The following DPYD variants were observed in gnomAD, a reference collection of about 807,000 sequenced individuals.
The protein encoded by DPYD is dihydropyrimidine dehydrogenase [NADP(+)].
Under a neutral mutation model 116.2 loss-of-function variants are expected in DPYD, and 109 were observed. The observed-to-expected ratio is 0.94, with a 90% CI of 0.80 to 1.10. The LOEUF is 1.10. Among genes scored for constraint, DPYD ranks in the 50% least tolerant of loss-of-function variants. The pLI, the probability that DPYD is intolerant of heterozygous loss-of-function variation, is 0.00. For missense variants in DPYD, 1,302 were observed against 1,254.5 expected (o/e 1.04, Z -0.57); for synonymous variants, 440 against 432.0 (o/e 1.02, Z -0.23).
chr1:97,582,093 T>G (rs1291276378), intron 10 of DPYD, among the ~76,000 whole-genome samples: 1 of 152,182 alleles, frequency 6.6e-6, no homozygotes, highest in Non-Finnish European at 1.5e-5. Flanking sequence ...CCTGGAAACG[T>G]GAATTTAGGG....
At chr1:97,134,009 AAAAAAATATATATATATATAT>A (rs1381828107) in intron 20 of DPYD, among the ~76,000 whole-genome samples, 1,373 of 47,870 alleles carry the variant, frequency 0.029, 167 homozygotes, top group South Asian at 0.062. Context: ...AAAAAAAAAA[AAAAAAATATATATATATATAT>A]ATATATATAT....
chr1:97,527,476 C>T (rs1032402930), intron 12 of DPYD, among the ~76,000 whole-genome samples: 8 of 152,096 alleles, frequency 5.3e-5, no homozygotes, highest in African/African-American at 1.9e-4. Flanking sequence ...TGATTGAACA[C>T]ACAGAGTACA....
intron 19 of DPYD, among the ~76,000 whole-genome samples, chr1:97,212,580 G>A (rs1236372117): frequency 6.6e-6 from 1 of 152,040 alleles, no homozygotes; most frequent in African/African-American, 2.4e-5. Context: ...GTCTGAGATA[G>A]ATGATGTGGA....
intron 16 of DPYD, among the ~76,000 whole-genome samples, chr1:97,323,731 C>A (rs1558031226): frequency 6.9e-6 from 1 of 145,746 alleles, no homozygotes; most frequent in African/African-American, 2.5e-5. Flanking sequence ...CATATATATA[C>A]ATATATATAT....
chr1:97,284,887 T>C (rs1277328562), intron 18 of DPYD, among the ~76,000 whole-genome samples: 2 of 152,214 alleles, frequency 1.3e-5, no homozygotes, highest in African/African-American at 2.4e-5. Context: ...TGATTCTGTA[T>C]TGTCTTTCCA....
intron 1 of DPYD, among the ~76,000 whole-genome samples, chr1:97,910,260 A>G (rs1416380759): frequency 6.6e-6 from 1 of 152,114 alleles, no homozygotes; most frequent in Non-Finnish European, 1.5e-5. Context: ...CTTGTTTGAA[A>G]ATGTGTTTAC....
intron 1 of DPYD, among the ~76,000 whole-genome samples, chr1:97,917,845 A>G (rs1329372842): frequency 6.6e-6 from 1 of 152,178 alleles, no homozygotes; most frequent in Non-Finnish European, 1.5e-5. Flanking sequence ...TTGCCGGTGG[A>G]GGGGAACAAG....
intron 11 of DPYD, among the ~76,000 whole-genome samples, chr1:97,558,810 G>C (rs899090303): frequency 6.6e-6 from 1 of 152,150 alleles, no homozygotes; most frequent in Non-Finnish European, 1.5e-5. Context: ...ACTTCACCTT[G>C]ATCTGCTTAT....
At chr1:97,468,118 G>A (rs1408651840) in intron 13 of DPYD, among the ~76,000 whole-genome samples, 5 of 152,204 alleles carry the variant, frequency 3.3e-5, no homozygotes, top group Admixed American at 3.3e-4. Flanking sequence ...CTGAGTGAGT[G>A]TGTCTATGTT....
At chr1:97,157,227 T>G (rs1221788930) in intron 20 of DPYD, among the ~76,000 whole-genome samples, 1 of 151,860 alleles carries the variant, frequency 6.6e-6, no homozygotes, top group Non-Finnish European at 1.5e-5. Flanking sequence ...GTAACTAACC[T>G]GCACATTGTG....
chr1:97,703,312 G>A (rs1661715556), intron 5 of DPYD, among the ~76,000 whole-genome samples: 1 of 151,994 alleles, frequency 6.6e-6, no homozygotes, highest in Non-Finnish European at 1.5e-5. Context: ...TTGGGGTTGA[G>A]TCTTGACTTC....
chr1:97,516,312 C>G (rs752466573), intron 12 of DPYD, among the ~76,000 whole-genome samples: 6 of 151,956 alleles, frequency 3.9e-5, no homozygotes, highest in African/African-American at 7.2e-5. Context: ...ATATGGGCAA[C>G]GGCAAGTCAG....
intron 8 of DPYD, among the ~76,000 whole-genome samples, chr1:97,624,817 G>T (rs1656833705): frequency 6.6e-6 from 1 of 151,952 alleles, no homozygotes; most frequent in Non-Finnish European, 1.5e-5. Flanking sequence ...TAACAACATG[G>T]GTGGAATTGG....
intron 13 of DPYD, among the ~76,000 whole-genome samples, chr1:97,513,456 C>G (rs1647960295): frequency 6.6e-6 from 1 of 151,612 alleles, no homozygotes; most frequent in Admixed American, 6.6e-5. Context: ...TGTACTTCAT[C>G]AAAATTGTAT....
chr1:97,618,085 T>A (rs1656401106), intron 8 of DPYD, among the ~76,000 whole-genome samples: 2 of 152,122 alleles, frequency 1.3e-5, no homozygotes, highest in Non-Finnish European at 2.9e-5. Flanking sequence ...CCCCTTTAAG[T>A]GTTGTCACCT....
intron 8 of DPYD, among the ~76,000 whole-genome samples, chr1:97,625,354 A>G (rs1282648966): frequency 1.3e-5 from 2 of 151,998 alleles, no homozygotes; most frequent in African/African-American, 4.8e-5. Flanking sequence ...TTAAAAGAAA[A>G]CACTGTTGTT....
At chr1:97,555,160 G>A (rs761674639) in intron 11 of DPYD, among the ~76,000 whole-genome samples, 3 of 151,950 alleles carry the variant, frequency 2.0e-5, no homozygotes, top group Non-Finnish European at 2.9e-5. Flanking sequence ...CATTAATTTT[G>A]ATCTTTTTTG....
intron 16 of DPYD, among the ~76,000 whole-genome samples, chr1:97,347,703 T>C (rs1472338752): frequency 6.6e-6 from 1 of 152,076 alleles, no homozygotes; most frequent in African/African-American, 2.4e-5. Context: ...GACAAAATTG[T>C]AGGTATTTAT....
chr1:97,716,515 A>T (rs559701079), intron 5 of DPYD, among the ~76,000 whole-genome samples: 1 of 152,226 alleles, frequency 6.6e-6, no homozygotes, highest in Non-Finnish European at 1.5e-5. Flanking sequence ...ATAAAATCAG[A>T]GTTATTACAA....
Sources: gnomAD v4.1 joint callset for allele counts (sites outside exome capture counted in the v4.1 genomes callset) on GRCh38, gnomAD v4.1.1 for gene constraint, MANE v1.5 for transcripts, NCBI Gene and HGNC (gene_info 2026-07-23, HGNC 2026-07-21) for gene names.